The following SOX8 variants were observed in gnomAD, a reference collection of about 807,000 sequenced individuals.
The protein encoded by SOX8 is transcription factor SOX-8.
A neutral mutation model predicts 22.9 loss-of-function variants in SOX8; 9 were observed. That is an observed-to-expected ratio of 0.39 (90% CI 0.24 to 0.69). SOX8 has a LOEUF of 0.69. Ranked by LOEUF, SOX8 falls within the 30% of genes least tolerant of loss-of-function variation. The pLI, the probability that SOX8 is intolerant of heterozygous loss-of-function variation, is 0.43. For missense variants in SOX8, 734 were observed against 699.4 expected, an observed-to-expected ratio of 1.05 and a Z score of -0.56; for synonymous variants, 416 against 330.6, an observed-to-expected ratio of 1.26 and a Z score of -2.80.
Position 985,112 on chromosome 16 carries a change from C to T in SOX8, c.1067C>T (p.Pro356Leu). ...TACGGCGACCAGCCCCGAGGCTCGC[C>T]CGACTACGGTTCCTGCAGCGGCCAG... ...GHYGDQPRGS[P>L]DYGSCSGQSS... is the part of the protein sequence containing the mutation. The change falls in exon 3 of 3, where the codon CCC (proline) becomes CTC (leucine). Residue 356 changes from proline (P) to leucine (L), a missense_variant. Pro to Leu is a moderately conservative substitution (Grantham distance 98). Coordinates refer to ENST00000293894, the MANE Select transcript of SOX8 (RefSeq NM_014587.5). 6.3e-7 allele frequency: 1 copy of T among 1,596,252 alleles called. No individual in the cohort carries two copies. Among genetic ancestry groups the T allele is most frequent in the Non-Finnish European group, 8.5e-7 (1 of 1,175,524 alleles).
At chr16:983,610 T>C in intron 1 of SOX8, 118 bp from the exon 2 acceptor site, 1 of 918,326 alleles carries the variant, frequency 1.1e-6, no homozygotes, top group South Asian at 1.8e-5. Flanking sequence ...GGCAGGCGGG[T>C]TTCCCTGGTC....
At chr16:984,118 C>T (rs1037593802) in intron 2 of SOX8, among the ~76,000 whole-genome samples, 158 bp downstream of exon 2, 1 of 152,232 alleles carries the variant, frequency 6.6e-6, no homozygotes, top group Non-Finnish European at 1.5e-5. Flanking sequence ...AGGCCCCGGC[C>T]GCCCCTGTTT....
intron 1 of SOX8, 72 bp from the exon 2 acceptor site, chr16:983,656 C>G: frequency 7.0e-7 from 1 of 1,426,092 alleles, no homozygotes. Flanking sequence ...TGCCGGTTCC[C>G]CCTGTGGTGT....
rs746282463 is a variant in SOX8, at chr16:981,976, C to A, written c.54C>A (p.Thr18=). 2.8e-6 allele frequency: 4 copies of A among 1,447,920 alleles called. No homozygotes were observed. Among genetic ancestry groups the A allele is most frequent in the East Asian group, 3.1e-5 (1 of 32,662 alleles). The allele number at this position is 1,447,920 out of a possible 1,614,324, so 89.7% of individuals were successfully genotyped here. A position where few individuals can be genotyped will look rare whatever the true frequency, so the allele number is the denominator to read the frequency against. ...RSQPPCSPSG[T]ASSMSHVEDS... ...AGCCGCCCTGCAGCCCGTCCGGCAC[C>A]GCCAGCTCCATGTCGCACGTGGAGG... Residue 18 remains threonine (T), a synonymous_variant, in exon 1 of 3, where the codon ACC becomes ACA. Coordinates refer to ENST00000293894, the MANE Select transcript of SOX8 (RefSeq NM_014587.5).
chr16:985,332 C>T lies in SOX8; in HGVS notation c.1287C>T (p.His429=), dbSNP rs773333848. 16 of 1,595,160 alleles carry T rather than the reference C, an allele frequency of 1.0e-5. No homozygotes were observed. The highest frequency in any genetic ancestry group is 1.3e-5 in the Non-Finnish European group (15 of 1,175,510). ...LLNGLALPPA[H]SPTSHWDQPV... The stretch of plus-strand genomic sequence containing the variant: ...ACGGCCTGGCCCTGCCGCCCGCCCA[C>T]AGCCCCACCAGTCACTGGGACCAGC... Residue 429 remains histidine (H), a synonymous_variant, in exon 3 of 3, where the codon CAC becomes CAT. Coordinates refer to ENST00000293894, the MANE Select transcript of SOX8 (RefSeq NM_014587.5).
Position 984,774 on chromosome 16 carries a change from G to T in SOX8, c.729G>T (p.Glu243Asp). 6.2e-7 allele frequency: 1 copy of T among 1,607,868 alleles called. No homozygotes were observed. Among genetic ancestry groups the T allele is most frequent in the South Asian group, 1.1e-5 (1 of 90,522 alleles). ...TELQQAGAKP[E>D]LKLEGRRPVD... The stretch of plus-strand genomic sequence containing the variant: ...TGCAGCAGGCGGGCGCCAAGCCGGA[G>T]CTGAAGCTGGAGGGACGCCGGCCGG... Residue 243 changes from glutamate (E) to aspartate (D), a missense_variant, in exon 3 of 3, where the codon GAG becomes GAT. Coordinates refer to ENST00000293894, the MANE Select transcript of SOX8 (RefSeq NM_014587.5).
At position 981,770 on chromosome 16, in the gene SOX8, G is replaced by A. The variant is rs1053135411; in HGVS notation, c.-153G>A. ...AGAAACTTGTTGCGGGTCCCGCAGCGGGACCCGAGCCTCGGCGGCGGCGGC... is the reference window on the plus strand; with the variant it reads ...AGAAACTTGTTGCGGGTCCCGCAGCAGGACCCGAGCCTCGGCGGCGGCGGC... On this transcript the variant is annotated 5_prime_UTR_variant, in exon 1 of 3. Coordinates refer to ENST00000293894, the MANE Select transcript of SOX8 (RefSeq NM_014587.5). The A allele has an allele frequency of 9.1e-6, 2 of 219,348 alleles. No individual in the cohort carries two copies. The highest frequency in any genetic ancestry group is 1.5e-5 in the Non-Finnish European group (2 of 130,202). The allele number at this position is 219,348 out of a possible 1,614,324, so 13.6% of individuals were successfully genotyped here.
chr16:983,934 A>T lies in SOX8; in HGVS notation c.629A>T (p.Asp210Val). The change falls in exon 2 of 3, where the codon GAT becomes GTT. Residue 210 changes from aspartate (D) to valine (V), a missense_variant. Transcript: ENST00000293894. ...TACAAGGCTGAAGCAGGGCTTGGAG[A>T]TGGGCACCACCATGGCGACCACACA... The part of the protein sequence containing the change: ...AVYKAEAGLG[D>V]GHHHGDHTGQ... 1 of 1,561,664 alleles carries T rather than the reference A, an allele frequency of 6.4e-7. No individual in the cohort carries two copies. The highest frequency in any genetic ancestry group is 8.7e-7 in the Non-Finnish European group (1 of 1,150,892).
rs1271122687 is a variant in SOX8, at chr16:984,998, A to C, written c.953A>C (p.His318Pro). ...FHAGASPVWAHKSAPSASASP... is the reference protein window; with the variant it reads ...FHAGASPVWAPKSAPSASASP... ...GCCGGGGCGTCCCCCGTGTGGGCCC[A>C]CAAGAGTGCCCCGTCGGCCTCCGCG... The change falls in exon 3 of 3, where the codon CAC (histidine) becomes CCC (proline). Residue 318 changes from histidine to proline, a missense_variant. His to Pro is a moderately conservative substitution (Grantham distance 77, BLOSUM62 -2). Coordinates refer to ENST00000293894, the MANE Select transcript of SOX8 (RefSeq NM_014587.5). 4 of 1,583,372 alleles carry C rather than the reference A, an allele frequency of 2.5e-6. No homozygotes were observed. The highest frequency in any genetic ancestry group is 2.6e-6 in the Non-Finnish European group (3 of 1,169,232).
In SOX8 at chr16:982,153, G is replaced by C; in HGVS notation, c.231G>C (p.Lys77Asn). Residue 77 changes from lysine (K) to asparagine (N), a missense_variant, in exon 1 of 3, where the codon AAG becomes AAC. Transcript: ENST00000293894. ...CIRDAVSQVLKGYDWSLVPMP... is the reference protein window; with the variant it reads ...CIRDAVSQVLNGYDWSLVPMP... Reference sequence around the variant, plus strand: ...GCGACGCCGTGTCGCAGGTGCTCAAGGGCTACGACTGGAGTCTGGTGCCCA... The same window carrying C: ...GCGACGCCGTGTCGCAGGTGCTCAACGGCTACGACTGGAGTCTGGTGCCCA... The C allele has an allele frequency of 3.4e-6, 5 of 1,474,276 alleles. No individual in the cohort carries two copies. The highest frequency in any genetic ancestry group is 4.5e-6 in the Non-Finnish European group (5 of 1,116,872). 91.3% of individuals were successfully genotyped at this position (1,474,276 alleles called of 1,614,324 possible). A position where few individuals can be genotyped will look rare whatever the true frequency, so the allele number is the denominator to read the frequency against.
Position 983,728 on chromosome 16 carries a change from C to G in SOX8, c.423C>G (p.Arg141=), listed in dbSNP as rs1395904173. 13 of 1,611,520 alleles carry G rather than the reference C, an allele frequency of 8.1e-6. No individual in the cohort carries two copies. Among genetic ancestry groups the G allele is most frequent in the Non-Finnish European group, 1.1e-5 (13 of 1,179,218 alleles). Residue 141 remains arginine, a splice_region_variant and synonymous_variant, in exon 2 of 3, where the codon CGC becomes CGG. Coordinates refer to ENST00000293894, the MANE Select transcript of SOX8 (RefSeq NM_014587.5). ...ELSKTLGKLW[R]LLSESEKRPF... ...TCCCTGCCTCTGCCCTGTGCTGCAGCTTGCTGAGCGAGAGCGAGAAGCGGC... is the reference window on the plus strand; with the variant it reads ...TCCCTGCCTCTGCCCTGTGCTGCAGGTTGCTGAGCGAGAGCGAGAAGCGGC...
chr16:985,072 C>T lies in SOX8; in HGVS notation c.1027C>T (p.Pro343Ser). Reference protein sequence around the residue: ...PPRPHIKTEQPSPGHYGDQPR... With the variant: ...PPRPHIKTEQSSPGHYGDQPR... The stretch of plus-strand genomic sequence containing the variant: ...ACGGCCGCACATCAAGACGGAGCAG[C>T]CGAGCCCCGGCCACTACGGCGACCA... The change falls in exon 3 of 3, where the codon CCG (proline) becomes TCG (serine). Residue 343 changes from proline to serine, a missense_variant. Pro to Ser is a moderately conservative substitution (Grantham distance 74). Around this residue, in one of 3 missense-constraint regions of SOX8, gnomAD observed 588 missense variants for 568.2 expected, o/e 1.03. Coordinates refer to ENST00000293894, the MANE Select transcript of SOX8 (RefSeq NM_014587.5). 1 of 1,584,852 alleles carries T rather than the reference C, an allele frequency of 6.3e-7. No homozygotes were observed. The highest frequency in any genetic ancestry group is 8.5e-7 in the Non-Finnish European group (1 of 1,172,634).
In SOX8 at chr16:984,091, C is replaced by T. The variant is rs539622785; in HGVS notation, c.655+131C>T. On this transcript the variant is annotated intron_variant, in intron 2 of 2. Coordinates refer to ENST00000293894, the MANE Select transcript of SOX8 (RefSeq NM_014587.5). ...GAGAGAACCGGGCCTTCCCCGGGTTCCCTGAAAAAGCTCCCAAGGCCCCGG... is the reference window on the plus strand; with the variant it reads ...GAGAGAACCGGGCCTTCCCCGGGTTTCCTGAAAAAGCTCCCAAGGCCCCGG... 751 of 860,286 alleles carry T rather than the reference C, an allele frequency of 8.7e-4. 13 individuals carry two copies. In the South Asian group the frequency reaches 0.011, roughly 13 times the overall value. 53.3% of individuals were successfully genotyped at this position (860,286 alleles called of 1,614,324 possible).
intron 1 of SOX8, chr16:982,610 C>T: frequency 2.7e-6 from 1 of 371,868 alleles, no homozygotes; most frequent in Non-Finnish European, 4.8e-6. Context: ...GCTCTGGAGC[C>T]AGTTCTCCTG....
At position 982,020 on chromosome 16, in the gene SOX8, C is replaced by A. The variant is rs1477439680; in HGVS notation, c.98C>A (p.Pro33Gln). 1 of 1,388,540 alleles carries A rather than the reference C, an allele frequency of 7.2e-7. No individual in the cohort carries two copies. The allele number at this position is 1,388,540 out of a possible 1,614,324, so 86.0% of individuals were successfully genotyped here. ...SHVEDSDSDA[P>Q]PSPAGSEGLG... ...GTGGAGGACTCGGACTCGGACGCGCCGCCGTCTCCCGCCGGCTCCGAGGGC... is the reference window on the plus strand; with the variant it reads ...GTGGAGGACTCGGACTCGGACGCGCAGCCGTCTCCCGCCGGCTCCGAGGGC... The change falls in exon 1 of 3, where the codon CCG (proline) becomes CAG (glutamine). Residue 33 changes from proline (P) to glutamine (Q), a missense_variant. By Grantham distance (76) the Pro-to-Gln change is moderately conservative. Coordinates refer to ENST00000293894, the MANE Select transcript of SOX8 (RefSeq NM_014587.5).
In SOX8 at chr16:982,061, G is replaced by A. The variant is rs2073395360; in HGVS notation, c.139G>A (p.Val47Ile). 4 of 1,296,394 alleles carry A rather than the reference G, an allele frequency of 3.1e-6. No individual in the cohort carries two copies. The Admixed American group carries it at 1.7e-4, about 54-fold the overall frequency. The allele number at this position is 1,296,394 out of a possible 1,614,324, so 80.3% of individuals were successfully genotyped here. The change falls in exon 1 of 3, where the codon GTC (valine) becomes ATC (isoleucine). Residue 47 changes from valine to isoleucine, a missense_variant. Val to Ile is a conservative substitution (Grantham distance 29, BLOSUM62 3). Coordinates refer to ENST00000293894, the MANE Select transcript of SOX8 (RefSeq NM_014587.5). ...AGSEGLGRAGVAVGGARGDPA... is the reference protein window; with the variant it reads ...AGSEGLGRAGIAVGGARGDPA... ...CTCCGAGGGCCTGGGCCGCGCGGGGGTCGCGGTGGGGGGCGCCCGGGGCGA... is the reference window on the plus strand; with the variant it reads ...CTCCGAGGGCCTGGGCCGCGCGGGGATCGCGGTGGGGGGCGCCCGGGGCGA...
At chr16:984,644 C>T in intron 2 of SOX8, 57 bp from the exon 3 acceptor site, 2 of 1,191,666 alleles carry the variant, frequency 1.7e-6, no homozygotes, top group Non-Finnish European at 2.3e-6. Context: ...GCCTGGCCGG[C>T]CCCACCCGCC....
At chr16:983,625 C>G (rs2073428806) in intron 1 of SOX8, 103 bp from the exon 2 acceptor site, 1 of 1,103,372 alleles carries the variant, frequency 9.1e-7, no homozygotes, top group Middle Eastern at 3.0e-4. Flanking sequence ...CTGGTCAGAG[C>G]CTCCTGGCCC....
At position 986,875 on chromosome 16, in the gene SOX8, A is replaced by T. The variant is rs2151523569; in HGVS notation, c.*1489A>T. Reference sequence around the variant, plus strand: ...GCGTCTCCCTTGGCACCGCGTTCGGAGGACGCACCCTCACTCCCCTGCTGC... The same window carrying T: ...GCGTCTCCCTTGGCACCGCGTTCGGTGGACGCACCCTCACTCCCCTGCTGC... On this transcript the variant is annotated 3_prime_UTR_variant, in exon 3 of 3. Coordinates refer to ENST00000293894, the MANE Select transcript of SOX8 (RefSeq NM_014587.5). 6.6e-6 allele frequency: 1 copy of T among 152,342 alleles called. No homozygotes were observed. Among genetic ancestry groups the T allele is most frequent in the Admixed American group, 6.5e-5 (1 of 15,308 alleles). The allele number at this position is 152,342 out of a possible 1,614,324, so 9.4% of individuals were successfully genotyped here.
Sources: allele counts gnomAD v4.1 joint callset (sites outside exome capture counted in the v4.1 genomes callset), GRCh38; gene constraint gnomAD v4.1.1; regional missense constraint gnomAD v4.1.1; transcripts MANE v1.5; gene names NCBI Gene and HGNC (gene_info 2026-07-23, HGNC 2026-07-21).